The following RBFOX1 variants were observed in gnomAD, a reference collection of about 807,000 sequenced individuals.
RBFOX1 encodes the protein RNA binding protein fox-1 homolog 1.
Under a neutral mutation model 57.7 loss-of-function variants are expected in RBFOX1, and 8 were observed. The observed-to-expected ratio is 0.14, with a 90% confidence interval of 0.08 to 0.25. RBFOX1 has a LOEUF of 0.25. Ranked by LOEUF, RBFOX1 falls within the 10% of genes least tolerant of loss-of-function variation. The pLI is 1.00. For synonymous variants in RBFOX1, 326 were observed against 222.4 expected (o/e 1.47, Z -4.15); for missense variants, 611 against 548.5 (o/e 1.11, Z -1.14).
chr16:6,265,027 A>T (rs1446058052), intron 1 of RBFOX1, among the ~76,000 whole-genome samples: 1 of 152,040 alleles, frequency 6.6e-6, no homozygotes. Flanking sequence ...CCCTATTTCC[A>T]ATATTGTGGG....
chr16:5,897,102 C>G (rs11859458), intron 4 of RBFOX1, among the ~76,000 whole-genome samples: 7,757 of 143,566 alleles, frequency 0.054, 561 homozygotes, highest in African/African-American at 0.19. Flanking sequence ...GTGGCGCAAT[C>G]TCGGCTCACT....
intron 2 of RBFOX1, among the ~76,000 whole-genome samples, chr16:6,529,023 G>A (rs1022787987): frequency 2.6e-5 from 4 of 152,076 alleles, no homozygotes; most frequent in South Asian, 2.1e-4. Flanking sequence ...CAAGAGAAAC[G>A]CATTTTACTC....
intron 2 of RBFOX1, among the ~76,000 whole-genome samples, chr16:5,578,405 G>T (rs2046542167): frequency 6.6e-6 from 1 of 152,280 alleles, no homozygotes; most frequent in Non-Finnish European, 1.5e-5. Flanking sequence ...GGAGAGGTTT[G>T]TTCCAGTTCC....
chr16:6,559,973 C>G (rs897836623), intron 2 of RBFOX1, among the ~76,000 whole-genome samples: 9 of 152,236 alleles, frequency 5.9e-5, no homozygotes, highest in African/African-American at 1.9e-4. Context: ...CATGAACAGA[C>G]TTTTGTCACA....
At chr16:6,512,283 CAAA>C (rs565248640) in intron 2 of RBFOX1, among the ~76,000 whole-genome samples, 3,648 of 86,944 alleles carry the variant, frequency 0.042, 300 homozygotes, top group African/African-American at 0.17. Flanking sequence ...GACCCTGTAT[CAAA>C]AAAAAAAAAA....
intron 3 of RBFOX1, among the ~76,000 whole-genome samples, chr16:5,855,503 T>C (rs975922144): frequency 3.3e-5 from 5 of 152,210 alleles, no homozygotes; most frequent in African/African-American, 1.2e-4. Flanking sequence ...TGTGTGTTCT[T>C]GGCATTCTTG....
intron 4 of RBFOX1, among the ~76,000 whole-genome samples, chr16:5,963,006 A>C (rs944736481): frequency 6.6e-6 from 1 of 152,162 alleles, no homozygotes; most frequent in African/African-American, 2.4e-5. Context: ...GTGTTAACTT[A>C]ATAAGATAGA....
At chr16:5,901,934 C>G (rs17138822) in intron 4 of RBFOX1, among the ~76,000 whole-genome samples, 8,937 of 152,244 alleles carry the variant, frequency 0.059, 841 homozygotes, top group African/African-American at 0.2. Flanking sequence ...GGTTCTCCAC[C>G]TAGAAGCGAC....
At chr16:6,307,009 C>G (rs116646323) in intron 1 of RBFOX1, among the ~76,000 whole-genome samples, 1 of 152,148 alleles carries the variant, frequency 6.6e-6, no homozygotes, top group Non-Finnish European at 1.5e-5. Flanking sequence ...TCAAACTAGA[C>G]AACATCTCTA....
chr16:6,225,831 C>CA (rs1158787863), intron 1 of RBFOX1, among the ~76,000 whole-genome samples: 1 of 152,182 alleles, frequency 6.6e-6, no homozygotes, highest in Non-Finnish European at 1.5e-5. Context: ...ATGCAGTGTG[C>CA]AACATCTTTA....
chr16:5,922,964 T>A (rs999605904), intron 4 of RBFOX1, among the ~76,000 whole-genome samples: 22 of 152,216 alleles, frequency 1.4e-4, no homozygotes, highest in African/African-American at 5.1e-4. Context: ...TCTTCCCAAG[T>A]TGAGCAGAGG....
chr16:6,295,716 C>T (rs546062527), intron 1 of RBFOX1, among the ~76,000 whole-genome samples: 277 of 152,284 alleles, frequency 1.8e-3, no homozygotes, highest in African/African-American at 6.4e-3. Flanking sequence ...CCATTACCTG[C>T]AGCTGTCCTC....
chr16:5,545,266 G>A (rs967391330), intron 2 of RBFOX1, among the ~76,000 whole-genome samples: 18 of 150,552 alleles, frequency 1.2e-4, no homozygotes, highest in Admixed American at 1.0e-3. Flanking sequence ...CTGTGAGCAC[G>A]CCCTGCCCTT....
At chr16:5,874,158 C>T (rs926719017) in intron 4 of RBFOX1, among the ~76,000 whole-genome samples, 3 of 152,182 alleles carry the variant, frequency 2.0e-5, no homozygotes, top group African/African-American at 7.2e-5. Context: ...TCATTAGTGT[C>T]CTTAACAGCA....
chr16:7,316,294 A>G lies in RBFOX1; in HGVS notation c.28-201853A>G, dbSNP rs140152621. Among the ~76,000 whole-genome samples, 622 of 152,338 alleles carry G rather than the reference A, an allele frequency of 4.1e-3. 5 individuals are homozygous for G. Among genetic ancestry groups the G allele is most frequent in the Non-Finnish European group, 3.0e-3 (207 of 68,030 alleles). ...AGACTTTTGAGAGTTACATGGTACT[A>G]TTGGAGAAGAGAAATGCTATGTTTT... On this transcript the variant is annotated intron_variant, in intron 4 of 15. Coordinates refer to ENST00000550418, the MANE Select transcript of RBFOX1 (RefSeq NM_018723.4).
At chr16:5,606,363 T>C (rs949564810) in intron 3 of RBFOX1, among the ~76,000 whole-genome samples, 1 of 152,018 alleles carries the variant, frequency 6.6e-6, no homozygotes, top group Non-Finnish European at 1.5e-5. Context: ...CATTCATCCA[T>C]AGTCATCAGA....
intron 4 of RBFOX1, among the ~76,000 whole-genome samples, chr16:7,440,657 T>G (rs2098758807): frequency 6.6e-6 from 1 of 152,194 alleles, no homozygotes; most frequent in Non-Finnish European, 1.5e-5. Flanking sequence ...CAGGTTTTGC[T>G]CCAAGACTCA....
chr16:7,039,416 C>A (rs2045488936), intron 3 of RBFOX1, among the ~76,000 whole-genome samples: 1 of 152,138 alleles, frequency 6.6e-6, no homozygotes, highest in Non-Finnish European at 1.5e-5. Context: ...GTGTGTTCTC[C>A]AAGCTATTTT....
chr16:6,782,179 G>T (rs2081139952), intron 3 of RBFOX1, among the ~76,000 whole-genome samples: 1 of 152,112 alleles, frequency 6.6e-6, no homozygotes, highest in African/African-American at 2.4e-5. Context: ...GCTAATTGTT[G>T]TATTTTCAGT....
Sources: allele counts gnomAD v4.1 joint callset (sites outside exome capture counted in the v4.1 genomes callset), GRCh38; gene constraint gnomAD v4.1.1; transcripts MANE v1.5; gene names NCBI Gene and HGNC (gene_info 2026-07-23, HGNC 2026-07-21).